Variants in SPTB observed in about 807,000 individuals in gnomAD.
SPTB encodes spectrin beta chain, erythrocytic.
SPTB carries 45 observed loss-of-function variants against 256.2 expected under a neutral mutation model. The observed-to-expected ratio is 0.18, with a 90% confidence interval of 0.14 to 0.23. The LOEUF (loss-of-function observed/expected upper bound fraction) is 0.23, where lower values mean the gene tolerates loss of function less well. SPTB is among the 10% of genes least tolerant of loss of function. The probability of loss-of-function intolerance (pLI) is 1.00; values close to 1 mark genes in which losing one functional copy is unlikely to be tolerated. For synonymous variants in SPTB, 1,231 were observed against 1,243.1 expected (o/e 0.99, Z 0.21); for missense variants, 2,715 against 3,040.4 (o/e 0.89, Z 2.52).
At chr14:64,768,827 T>A (rs986934552) in intron 29 of SPTB, among the ~76,000 whole-genome samples, 1 of 152,080 alleles carries the variant, frequency 6.6e-6, no homozygotes, top group Non-Finnish European at 1.5e-5. Context: ...GCTGGCTAGT[T>A]AGAGTGAGGC....
chr14:64,875,483 AC>A (rs1292812917), intron 1 of SPTB, among the ~76,000 whole-genome samples: 1 of 152,060 alleles, frequency 6.6e-6, no homozygotes, highest in Non-Finnish European at 1.5e-5. Context: ...AATTCTCCTG[AC>A]TGCCTCCTAC....
chr14:64,859,630 G>A (rs146426563), intron 1 of SPTB, among the ~76,000 whole-genome samples: 3,245 of 152,104 alleles, frequency 0.021, 52 homozygotes, highest in South Asian at 0.063. Flanking sequence ...TGTGGTCCTA[G>A]TTATTTGGGA....
chr14:64,785,572 G>T lies in SPTB; in HGVS notation c.3820C>A (p.Leu1274Met), dbSNP rs370662950. 5.0e-6 allele frequency: 8 copies of T among 1,613,914 alleles called. No homozygotes were observed. Among genetic ancestry groups the T allele is most frequent in the African/African-American group, 1.3e-5 (1 of 74,922 alleles). ...QEASVLLRDNLELQNFLQNCQ... is the reference protein window; with the variant it reads ...QEASVLLRDNMELQNFLQNCQ... Reference sequence around the variant, plus strand: ...TTCTGGAGGAAGTTCTGTAGCTCCAGGTTGTCTCTCAGTAGGACAGAGGCC... The same window carrying T: ...TTCTGGAGGAAGTTCTGTAGCTCCATGTTGTCTCTCAGTAGGACAGAGGCC... Residue 1274 changes from leucine (L) to methionine (M), a missense_variant, in exon 18 of 36, where the codon CTG becomes ATG. Physicochemically the swap from Leu to Met is conservative, Grantham distance 15. Coordinates refer to ENST00000644917, the MANE Select transcript of SPTB (RefSeq NM_001355436.2). The surrounding 1 kb of genome is among the most constrained non-coding windows in gnomAD (Gnocchi z 4.4).
Position 64,786,796 on chromosome 14 carries a change from G to A in SPTB, c.3169C>T (p.Leu1057=). 6.2e-7 allele frequency: 1 copy of A among 1,613,998 alleles called. No individual in the cohort carries two copies. The highest frequency in any genetic ancestry group is 1.1e-5 in the South Asian group (1 of 91,082). ...QQSLQGQEDL[L]GEVSQLQAFL... is the part of the protein sequence containing the mutation. ...GCCTGCAGCTGGCTGACTTCCCCCA[G>A]CAAGTCCTCCTGGCCCTGCAGGGAT... The change falls in exon 16 of 36, where the codon CTG becomes TTG. Residue 1057 remains leucine (L), a synonymous_variant. Coordinates refer to ENST00000644917, the MANE Select transcript of SPTB (RefSeq NM_001355436.2). The surrounding 1 kb of genome is among the most constrained non-coding windows in gnomAD (Gnocchi z 5.6).
intron 1 of SPTB, among the ~76,000 whole-genome samples, chr14:64,862,872 AC>A (rs1236456045): frequency 8.7e-5 from 3 of 34,522 alleles, no homozygotes; most frequent in Non-Finnish European, 3.0e-4. Flanking sequence ...AACAATAACA[AC>A]AAAAAAAAAC....
At position 64,793,955 on chromosome 14, in the gene SPTB, A is replaced by T. The variant is rs558750626; in HGVS notation, c.1796-88T>A. ...AGATAAGCTGCTAGGTTGGAACTAC[A>T]CAACCCTGAAGCTGCCATGTCACTG... is the stretch of plus-strand genomic sequence containing the variant. On this transcript the variant is annotated intron_variant, in intron 13 of 35. Coordinates refer to ENST00000644917, the MANE Select transcript of SPTB (RefSeq NM_001355436.2). This position sits in a 1 kb window ranked among gnomAD's most constrained non-coding sequence, Gnocchi z 7.0. The T allele has an allele frequency of 1.9e-5, 26 of 1,399,964 alleles. No individual in the cohort carries two copies. Among genetic ancestry groups the T allele is most frequent in the Non-Finnish European group, 2.5e-5 (26 of 1,044,228 alleles). The allele number at this position is 1,399,964 out of a possible 1,614,324, so 86.7% of individuals were successfully genotyped here. A position where few individuals can be genotyped will look rare whatever the true frequency, so the allele number is the denominator to read the frequency against.
intron 1 of SPTB, among the ~76,000 whole-genome samples, chr14:64,835,419 T>C (rs969424247): frequency 6.6e-6 from 1 of 152,224 alleles, no homozygotes; most frequent in Non-Finnish European, 1.5e-5. Context: ...CTAGTTTTTG[T>C]ATTTTTAATA....
chr14:64,851,961 A>G (rs914886770), intron 1 of SPTB, among the ~76,000 whole-genome samples: 2 of 152,154 alleles, frequency 1.3e-5, no homozygotes, highest in African/African-American at 2.4e-5. Context: ...GCAGAAAACC[A>G]CCAGGGCACA....
At position 64,793,905 on chromosome 14, in the gene SPTB, T is replaced by C; in HGVS notation, c.1796-38A>G. ...GGGGGAAGGAGGACAAAGTGGGGGA[T>C]GGGCTTCATTTATGGGCACGCTTCA... On this transcript the variant is annotated intron_variant, in intron 13 of 35. Coordinates refer to ENST00000644917, the MANE Select transcript of SPTB (RefSeq NM_001355436.2). The surrounding 1 kb of genome is among the most constrained non-coding windows in gnomAD (Gnocchi z 7.0). 1.9e-6 allele frequency: 3 copies of C among 1,570,430 alleles called. No individual in the cohort carries two copies. The highest frequency in any genetic ancestry group is 2.6e-6 in the Non-Finnish European group (3 of 1,163,706).
intron 32 of SPTB, chr14:64,755,147 G>A (rs1278424864): frequency 6.6e-6 from 1 of 152,348 alleles, no homozygotes; most frequent in South Asian, 2.1e-4. Flanking sequence ...GTGCTGGGGA[G>A]GAGAGGGAAG....
In SPTB at chr14:64,846,598, T is replaced by G. The variant is rs142002324; in HGVS notation, c.-51-23453A>C. 3.9e-3 allele frequency among the ~76,000 whole-genome samples: 600 copies of G among 152,372 alleles called. 4 individuals carry two copies. The highest frequency in any genetic ancestry group is 0.014 in the African/African-American group (569 of 41,592). On this transcript the variant is annotated intron_variant, in intron 1 of 35. Transcript: ENST00000644917. ...AATATTTATTGAGCACCTGCAGGAC[T>G]CATGGCAGCATACTGTGGGCAAGAA...
chr14:64,752,255 TTCCTCCTCCTCTTCA>T (rs1473881420), intron 33 of SPTB: 3 of 1,346,612 alleles, frequency 2.2e-6, no homozygotes, highest in East Asian at 4.6e-5. Flanking sequence ...CAGACTCTGT[TTCCTCCTCCTCTTCA>T]TCCTCCTCTT....
rs1004605000 is a variant in SPTB, at chr14:64,764,923, C to T, written c.6345+1803G>A. 1.3e-5 allele frequency among the ~76,000 whole-genome samples: 2 copies of T among 152,022 alleles called. No homozygotes were observed. Among genetic ancestry groups the T allele is most frequent in the Non-Finnish European group, 2.9e-5 (2 of 68,006 alleles). On this transcript the variant is annotated intron_variant, in intron 32 of 35. Transcript: ENST00000644917. The surrounding 1 kb of genome is among the most constrained non-coding windows in gnomAD (Gnocchi z 4.2). ...TCGGAGGGAACTTCTGGGAGAGACC[C>T]TTCAGCAGGAGCCCAGCAGTGCCCT...
rs1247188579 is a variant in SPTB at position 64,747,907 on chromosome 14, T to C, written c.*1399A>G. 2.7e-5 allele frequency: 4 copies of C among 149,770 alleles called. No individual in the cohort carries two copies. The highest frequency in any genetic ancestry group is 9.9e-5 in the African/African-American group (4 of 40,470). 9.3% of individuals were successfully genotyped at this position (149,770 alleles called of 1,614,324 possible). ...TCGGAGTAGAGTGGTGGGGAAAATA[T>C]GGAATGAGCTTTCTCTTCCTCCAGA... On this transcript the variant is annotated 3_prime_UTR_variant, in exon 36 of 36. Coordinates refer to ENST00000644917, the MANE Select transcript of SPTB (RefSeq NM_001355436.2).
chr14:64,774,900 G>A (rs2139513043), intron 23 of SPTB, among the ~76,000 whole-genome samples: 1 of 152,254 alleles, frequency 6.6e-6, no homozygotes, highest in South Asian at 2.1e-4. Flanking sequence ...TTGGGTTAGA[G>A]CAAACCTAAG....
chr14:64,803,075 T>A (rs1489554481), intron 4 of SPTB, among the ~76,000 whole-genome samples: 2 of 152,172 alleles, frequency 1.3e-5, no homozygotes, highest in Non-Finnish European at 2.9e-5. Flanking sequence ...GTATGCTCTC[T>A]TCTTTCTCCT....
In SPTB at chr14:64,786,104, T is replaced by A. The variant is rs889440431; in HGVS notation, c.3562-153A>T. The stretch of plus-strand genomic sequence containing the variant: ...GGGAGGAGGCACTACTCCCCAGGCC[T>A]TGCCCCCACCCCTACCCCAGGGGCA... On this transcript the variant is annotated intron_variant, in intron 16 of 35. Transcript: ENST00000644917. This position sits in a 1 kb window ranked among gnomAD's most constrained non-coding sequence, Gnocchi z 5.6. 6.6e-6 allele frequency among the ~76,000 whole-genome samples: 1 copy of A among 151,976 alleles called. No individual in the cohort carries two copies. The highest frequency in any genetic ancestry group is 2.4e-5 in the African/African-American group (1 of 41,398).
intron 32 of SPTB, chr14:64,766,314 G>T: frequency 9.7e-7 from 1 of 1,030,666 alleles, no homozygotes; most frequent in South Asian, 2.1e-5. Flanking sequence ...GTAGGTGTGG[G>T]TGCAGGGGGT....
At position 64,778,248 on chromosome 14, in the gene SPTB, G is replaced by A. The variant is rs1222262087; in HGVS notation, c.4563+909C>T. Among the ~76,000 whole-genome samples, 1 of 152,182 alleles carries A rather than the reference G, an allele frequency of 6.6e-6. No individual in the cohort carries two copies. The highest frequency in any genetic ancestry group is 2.4e-5 in the African/African-American group (1 of 41,440). On this transcript the variant is annotated intron_variant, in intron 22 of 35. Coordinates refer to ENST00000644917, the MANE Select transcript of SPTB (RefSeq NM_001355436.2). This position sits in a 1 kb window ranked among gnomAD's most constrained non-coding sequence, Gnocchi z 5.2. ...CTCTGCACTGCTGCTGGGCTCACATGGTCCTGTGAGCAGATGTCAGCTGCT... is the reference window on the plus strand; with the variant it reads ...CTCTGCACTGCTGCTGGGCTCACATAGTCCTGTGAGCAGATGTCAGCTGCT...
Sources: gnomAD v4.1 joint callset for allele counts (sites outside exome capture counted in the v4.1 genomes callset) on GRCh38, gnomAD v4.1.1 for gene constraint, Gnocchi (gnomAD v3.1) non-coding constraint, MANE v1.5 for transcripts, NCBI Gene and HGNC (gene_info 2026-07-23, HGNC 2026-07-21) for gene names.